Variants in SCHIP1 observed in about 807,000 individuals in gnomAD.
SCHIP1 encodes the protein schwannomin interacting protein 1.
A neutral mutation model predicts 29.7 loss-of-function variants in SCHIP1; 8 were observed. The ratio of observed to expected loss-of-function variants is 0.27; its 90% confidence interval spans 0.16 to 0.49. The LOEUF (loss-of-function observed/expected upper bound fraction) is 0.49. Among genes scored for constraint, SCHIP1 ranks in the 20% least tolerant of loss-of-function variants. SCHIP1 has a pLI of 0.99. For missense variants in SCHIP1, 193 were observed against 294.6 expected (o/e 0.66, Z 2.52); for synonymous variants, 76 against 94.9 (o/e 0.80, Z 1.16).
chr3:159,328,877 G>A, the SCHIP1 span, among the ~76,000 whole-genome samples: 4 of 152,198 alleles, frequency 2.6e-5, no homozygotes, highest in South Asian at 2.1e-4. Flanking sequence ...CTGTGTCTTC[G>A]GTCAGGTTAT....
At chr3:159,403,599 C>G in the SCHIP1 span, among the ~76,000 whole-genome samples, 362 of 152,286 alleles carry the variant, frequency 2.4e-3, no homozygotes, top group Non-Finnish European at 3.5e-3. Context: ...AACATTTAGG[C>G]CAGACCTAAT....
At chr3:159,805,107 C>T in the SCHIP1 span, among the ~76,000 whole-genome samples, 1 of 152,192 alleles carries the variant, frequency 6.6e-6, no homozygotes, top group East Asian at 1.9e-4. Flanking sequence ...GCCACAAGCC[C>T]TACCACCTGA....
At chr3:159,532,019 T>C in the SCHIP1 span, among the ~76,000 whole-genome samples, 1,836 of 152,252 alleles carry the variant, frequency 0.012, 13 homozygotes, top group Middle Eastern at 0.02. Flanking sequence ...AGAAGTATTG[T>C]TTTTCCTTAA....
chr3:159,417,676 G>A, the SCHIP1 span, among the ~76,000 whole-genome samples: 2 of 152,158 alleles, frequency 1.3e-5, no homozygotes, highest in Non-Finnish European at 2.9e-5. Flanking sequence ...ACTCCTTCCT[G>A]TAACTTTGCA....
chr3:159,343,728 C>T, the SCHIP1 span, among the ~76,000 whole-genome samples: 4 of 152,226 alleles, frequency 2.6e-5, no homozygotes, highest in Non-Finnish European at 5.9e-5. Flanking sequence ...ATTTCTAACA[C>T]AAATTCAATC....
chr3:159,313,837 C>A, the SCHIP1 span, among the ~76,000 whole-genome samples: 1 of 152,100 alleles, frequency 6.6e-6, no homozygotes, highest in Non-Finnish European at 1.5e-5. Flanking sequence ...TTTTCTATCA[C>A]CTTAACTCCT....
the SCHIP1 span, among the ~76,000 whole-genome samples, chr3:159,333,814 G>T: frequency 1.4e-5 from 2 of 141,972 alleles, no homozygotes; most frequent in Non-Finnish European, 3.1e-5. Context: ...TTGGAGACAG[G>T]AAGTACTAAC....
At chr3:159,342,317 C>G in the SCHIP1 span, among the ~76,000 whole-genome samples, 4 of 152,000 alleles carry the variant, frequency 2.6e-5, no homozygotes, top group African/African-American at 9.7e-5. Flanking sequence ...TTTAAATATC[C>G]CTGATTTAGA....
chr3:159,566,766 C>T, the SCHIP1 span, among the ~76,000 whole-genome samples: 7 of 152,132 alleles, frequency 4.6e-5, no homozygotes, highest in Admixed American at 2.0e-4. Flanking sequence ...TGGCAGACAA[C>T]GGCATCAGGG....
chr3:159,411,157 G>A, the SCHIP1 span, among the ~76,000 whole-genome samples: 3 of 152,012 alleles, frequency 2.0e-5, no homozygotes, highest in Non-Finnish European at 4.4e-5. Context: ...GAGGGGGCAC[G>A]ATAATTAATA....
the SCHIP1 span, among the ~76,000 whole-genome samples, chr3:159,645,922 G>A: frequency 6.6e-6 from 1 of 152,136 alleles, no homozygotes; most frequent in Non-Finnish European, 1.5e-5. Flanking sequence ...TGATACCATT[G>A]TGTTTAAAGA....
the SCHIP1 span, among the ~76,000 whole-genome samples, chr3:159,287,531 A>G: frequency 6.6e-6 from 1 of 152,032 alleles, no homozygotes; most frequent in Non-Finnish European, 1.5e-5. Flanking sequence ...TTATATTATT[A>G]TTGGAGAATA....
At chr3:159,769,642 C>T in the SCHIP1 span, among the ~76,000 whole-genome samples, 2 of 151,984 alleles carry the variant, frequency 1.3e-5, no homozygotes, top group South Asian at 2.1e-4. Context: ...CCCAGCTACT[C>T]GGGAGGCTGA....
chr3:159,593,685 C>T, the SCHIP1 span, among the ~76,000 whole-genome samples: 36 of 148,974 alleles, frequency 2.4e-4, no homozygotes, highest in African/African-American at 9.4e-4. Flanking sequence ...CCGCTGCCAC[C>T]CATTGTAGAA....
At chr3:159,300,127 T>TC in the SCHIP1 span, among the ~76,000 whole-genome samples, 48 of 132,188 alleles carry the variant, frequency 3.6e-4, 2 homozygotes, top group Middle Eastern at 3.7e-3. Flanking sequence ...TTTTTTTTTT[T>TC]TTTTTTTTTT....
chr3:159,747,379 C>T, the SCHIP1 span, among the ~76,000 whole-genome samples: 1 of 152,274 alleles, frequency 6.6e-6, no homozygotes, highest in South Asian at 2.1e-4. Context: ...ACAAATGTTT[C>T]CCAGAGTGTA....
chr3:159,830,879 A>C, the SCHIP1 span, among the ~76,000 whole-genome samples: 1 of 152,240 alleles, frequency 6.6e-6, no homozygotes, highest in African/African-American at 2.4e-5. Context: ...CTGACTACTT[A>C]GGATATGGCA....
chr3:159,650,530 T>A, the SCHIP1 span, among the ~76,000 whole-genome samples: 1 of 152,164 alleles, frequency 6.6e-6, no homozygotes, highest in Non-Finnish European at 1.5e-5. Flanking sequence ...TTGGGGAAGA[T>A]TAATTGGCAG....
the SCHIP1 span, among the ~76,000 whole-genome samples, chr3:159,468,744 AAT>A: frequency 1.7e-5 from 2 of 121,040 alleles, no homozygotes; most frequent in East Asian, 2.6e-4. Flanking sequence ...TATAATATAT[AAT>A]ATATAATATA....
Sources: gnomAD v4.1 joint callset for allele counts (sites outside exome capture counted in the v4.1 genomes callset) on GRCh38, gnomAD v4.1.1 for gene constraint, MANE v1.5 for transcripts, NCBI Gene and HGNC (gene_info 2026-07-23, HGNC 2026-07-21) for gene names.